The following GALNTL6 variants were observed in gnomAD, a reference collection of about 807,000 sequenced individuals.
GALNTL6 encodes polypeptide N-acetylgalactosaminyltransferase like 6, also known as polypeptide N-acetylgalactosaminyltransferase-like 6.
In GALNTL6, 46 loss-of-function variants were observed where a neutral mutation model predicts 73.7. The ratio of observed to expected loss-of-function variants is 0.62; its 90% CI spans 0.49 to 0.80. The LOEUF is 0.80. Among genes scored for constraint, GALNTL6 ranks in the 30% least tolerant of loss-of-function variants. GALNTL6 has a pLI of 0.00. For missense variants in GALNTL6, 604 were observed against 755.0 expected (o/e 0.80, Z 2.34); for synonymous variants, 259 against 263.7 (o/e 0.98, Z 0.17).
chr4:171,860,118 C>T (rs1354657042), intron 2 of GALNTL6, among the ~76,000 whole-genome samples: 3 of 152,042 alleles, frequency 2.0e-5, no homozygotes, highest in African/African-American at 2.4e-5. Flanking sequence ...TTAAATAATC[C>T]ATAATAATGT....
At chr4:172,640,052 T>A (rs1467814492) in intron 5 of GALNTL6, among the ~76,000 whole-genome samples, 1 of 152,150 alleles carries the variant, frequency 6.6e-6, no homozygotes, top group African/African-American at 2.4e-5. Flanking sequence ...GAAATTGTTT[T>A]CAATGGTTAC....
intron 5 of GALNTL6, among the ~76,000 whole-genome samples, chr4:172,594,218 C>T (rs564915195): frequency 3.3e-5 from 5 of 151,932 alleles, no homozygotes; most frequent in East Asian, 3.9e-4. Flanking sequence ...TAGTGGTGGG[C>T]GCCTGAAATC....
At chr4:172,512,397 A>G (rs1561115995) in intron 5 of GALNTL6, among the ~76,000 whole-genome samples, 1 of 151,122 alleles carries the variant, frequency 6.6e-6, no homozygotes, top group African/African-American at 2.4e-5. Flanking sequence ...CCATTCTGCC[A>G]TTCTGTATCT....
At chr4:172,435,221 G>T (rs1731590262) in intron 5 of GALNTL6, among the ~76,000 whole-genome samples, 2 of 151,950 alleles carry the variant, frequency 1.3e-5, no homozygotes, top group African/African-American at 2.4e-5. Flanking sequence ...TTTTAAATTT[G>T]CTCTCATGCT....
intron 9 of GALNTL6, among the ~76,000 whole-genome samples, chr4:172,937,749 G>A (rs1748696072): frequency 6.6e-6 from 1 of 152,142 alleles, no homozygotes; most frequent in African/African-American, 2.4e-5. Context: ...TCCAATGCCA[G>A]AATATCATGA....
chr4:172,150,666 T>A (rs7377766), intron 2 of GALNTL6, among the ~76,000 whole-genome samples: 68,169 of 151,944 alleles, frequency 0.45, 15,996 homozygotes, highest in African/African-American at 0.57. Context: ...CTAAAATAAA[T>A]TGAGTAACAG....
chr4:172,039,458 G>T (rs1245949884), intron 2 of GALNTL6, among the ~76,000 whole-genome samples: 1 of 152,138 alleles, frequency 6.6e-6, no homozygotes, highest in Non-Finnish European at 1.5e-5. Context: ...ATATATTTGT[G>T]TATTTTGCCA....
intron 2 of GALNTL6, among the ~76,000 whole-genome samples, chr4:171,976,170 A>C (rs1579023411): frequency 6.6e-6 from 1 of 152,130 alleles, no homozygotes; most frequent in Admixed American, 6.6e-5. Flanking sequence ...TAATTCTTCC[A>C]CCTCGACCTC....
At chr4:172,163,861 C>T (rs529155091) in intron 2 of GALNTL6, among the ~76,000 whole-genome samples, 1 of 151,818 alleles carries the variant, frequency 6.6e-6, no homozygotes, top group African/African-American at 2.4e-5. Flanking sequence ...CACAGGTACA[C>T]GTGTCTATTT....
chr4:172,124,304 A>T (rs1038113033), intron 2 of GALNTL6, among the ~76,000 whole-genome samples: 21 of 152,182 alleles, frequency 1.4e-4, no homozygotes, highest in Admixed American at 7.2e-4. Context: ...GTAATGATCT[A>T]ATATCTCTAT....
intron 5 of GALNTL6, among the ~76,000 whole-genome samples, chr4:172,735,847 T>A (rs758246022): frequency 6.6e-6 from 1 of 151,944 alleles, no homozygotes. Flanking sequence ...AGAGAAACAG[T>A]ACAAAAGAGA....
intron 2 of GALNTL6, among the ~76,000 whole-genome samples, chr4:171,938,672 CA>C (rs1738428438): frequency 6.6e-6 from 1 of 151,986 alleles, no homozygotes. Context: ...CTCTTAAAAC[CA>C]ATGTTTAGAT....
At chr4:172,681,353 C>G (rs1293369555) in intron 5 of GALNTL6, among the ~76,000 whole-genome samples, 1 of 151,930 alleles carries the variant, frequency 6.6e-6, no homozygotes, top group Non-Finnish European at 1.5e-5. Flanking sequence ...CACTTCATAT[C>G]ACTTTATACA....
chr4:172,058,787 T>C (rs956861420), intron 2 of GALNTL6, among the ~76,000 whole-genome samples: 1 of 152,206 alleles, frequency 6.6e-6, no homozygotes, highest in African/African-American at 2.4e-5. Flanking sequence ...CTCTTTCTTC[T>C]CAGATTTCCA....
At chr4:172,436,858 G>T (rs1731650532) in intron 5 of GALNTL6, among the ~76,000 whole-genome samples, 1 of 152,090 alleles carries the variant, frequency 6.6e-6, no homozygotes, top group Non-Finnish European at 1.5e-5. Flanking sequence ...TATGGTACAG[G>T]TTATGGAATA....
chr4:172,846,219 A>G (rs182767824), intron 7 of GALNTL6, among the ~76,000 whole-genome samples: 84 of 152,362 alleles, frequency 5.5e-4, no homozygotes, highest in Admixed American at 9.1e-4. Context: ...TAAATAGTCA[A>G]TGTGTTTGCA....
intron 10 of GALNTL6, among the ~76,000 whole-genome samples, chr4:173,002,965 G>A (rs1752113967): frequency 1.3e-5 from 2 of 152,146 alleles, no homozygotes; most frequent in South Asian, 4.1e-4. Context: ...AGTACCAGGG[G>A]TTGGGGGAGA....
chr4:172,899,440 A>G (rs1455287931), intron 8 of GALNTL6, among the ~76,000 whole-genome samples: 1 of 151,970 alleles, frequency 6.6e-6, no homozygotes, highest in Non-Finnish European at 1.5e-5. Context: ...TTGTAGATGC[A>G]TTTTTAGAAA....
chr4:172,104,586 A>T (rs550777801), intron 2 of GALNTL6, among the ~76,000 whole-genome samples: 1 of 152,290 alleles, frequency 6.6e-6, no homozygotes, highest in Non-Finnish European at 1.5e-5. Flanking sequence ...TTATTTGAAT[A>T]ATCTTTATCT....
Sources: allele counts gnomAD v4.1 joint callset (sites outside exome capture counted in the v4.1 genomes callset), GRCh38; gene constraint gnomAD v4.1.1; transcripts MANE v1.5; gene names NCBI Gene and HGNC (gene_info 2026-07-23, HGNC 2026-07-21).